FAM98A: variants seen among roughly 807,000 people sequenced by gnomAD.
FAM98A encodes the protein tRNA splicing ligase complex subunit 3A.
A neutral mutation model predicts 62.9 loss-of-function variants in FAM98A; 25 were observed. The observed-to-expected ratio is 0.40, with a 90% CI of 0.29 to 0.56. FAM98A has a LOEUF of 0.56. Among genes scored for constraint, FAM98A ranks in the 20% least tolerant of loss-of-function variants. FAM98A has a pLI of 0.51. For synonymous variants in FAM98A, 252 were observed against 228.6 expected, an observed-to-expected ratio of 1.10 and a Z score of -0.92; for missense variants, 653 against 640.7, an observed-to-expected ratio of 1.02 and a Z score of -0.21.
rs1236471833 is a variant in FAM98A, at chr2:33,584,010, T to G, written c.*766A>C. 6.5e-6 allele frequency: 1 copy of G among 152,678 alleles called. No individual in the cohort carries two copies. Among genetic ancestry groups the G allele is most frequent in the Non-Finnish European group, 1.5e-5 (1 of 68,046 alleles). The allele number at this position is 152,678 out of a possible 1,614,324, so 9.5% of individuals were successfully genotyped here. A position where few individuals can be genotyped will look rare whatever the true frequency, so the allele number is the denominator to read the frequency against. On this transcript the variant is annotated 3_prime_UTR_variant, in exon 8 of 8. Transcript: ENST00000238823. ...GGTTTGCTATTTCTTCTAGCAAATT[T>G]CAAGTAAAAATAAGGTTGAAGGAGG... is the stretch of plus-strand genomic sequence containing the variant.
In FAM98A at chr2:33,584,750, C is replaced by A. The variant is rs762127664; in HGVS notation, c.*26G>T. The A allele has an allele frequency of 2.6e-6, 4 of 1,548,280 alleles. No homozygotes were observed. Among genetic ancestry groups the A allele is most frequent in the Non-Finnish European group, 3.5e-6 (4 of 1,141,648 alleles). ...AAACTAAGTTTCTATTACTTGAGCT[C>A]TAGCAAAATGTAAGGTTCGGTAGCC... On this transcript the variant is annotated 3_prime_UTR_variant, in exon 8 of 8. Coordinates refer to ENST00000238823, the MANE Select transcript of FAM98A (RefSeq NM_015475.5).
intron 1 of FAM98A, among the ~76,000 whole-genome samples, chr2:33,595,929 A>G (rs1477949568): frequency 6.6e-6 from 1 of 152,206 alleles, no homozygotes; most frequent in Non-Finnish European, 1.5e-5. Flanking sequence ...AAAAGCTTCC[A>G]TTGTAAAAAG....
intron 2 of FAM98A, among the ~76,000 whole-genome samples, chr2:33,595,206 T>C (rs143215268): frequency 7.0e-4 from 106 of 152,298 alleles, no homozygotes; most frequent in Middle Eastern, 6.8e-3. Context: ...TTACAAAATA[T>C]AGGAAGTTCA....
At chr2:33,588,642 C>A in intron 3 of FAM98A, 123 bp from the exon 4 acceptor site, 3 of 629,350 alleles carry the variant, frequency 4.8e-6, no homozygotes, top group South Asian at 4.6e-5. Context: ...TGGATAAAAA[C>A]AAGAAAGAAA....
Position 33,592,129 on chromosome 2 carries a change from C to T in FAM98A, c.288G>A (p.Gly96=). 3 of 1,613,440 alleles carry T rather than the reference C, an allele frequency of 1.9e-6. No individual in the cohort carries two copies. Among genetic ancestry groups the T allele is most frequent in the East Asian group, 2.2e-5 (1 of 44,870 alleles). The change falls in exon 3 of 8, where the codon GGG becomes GGA. Residue 96 remains glycine, a synonymous_variant. Transcript: ENST00000238823. ...MNCPYLSLTS[G]DVTKRLLIQK... Reference sequence around the variant, plus strand: ...GAATGAGAAGGCGCTTGGTCACATCCCCAGATGTCAGTGAAAGATACGGGC... The same window carrying T: ...GAATGAGAAGGCGCTTGGTCACATCTCCAGATGTCAGTGAAAGATACGGGC...
rs747558363 is a variant in FAM98A at position 33,584,979 on chromosome 2, C to T, written c.1354G>A (p.Gly452Arg). The change falls in exon 8 of 8, where the codon GGG (glycine) becomes AGG (arginine). Residue 452 changes from glycine to arginine, a missense_variant. Coordinates refer to ENST00000238823, the MANE Select transcript of FAM98A (RefSeq NM_015475.5). ...CCACCACCACGATCACCATGGTGCC[C>T]GCCATCTTGGTATCTATTGTCCTGC... ...YQQDNRYQDG[G>R]HHGDRGGGRG... 17 of 1,614,034 alleles carry T rather than the reference C, an allele frequency of 1.1e-5. No individual in the cohort carries two copies. In the South Asian group the frequency reaches 1.3e-4, roughly 13 times the overall value.
In FAM98A at chr2:33,584,729, T is replaced by C. The variant is rs1445335601; in HGVS notation, c.*47A>G. ...GGTGCTGAATTCAGGATTCTGAAACTAAGTTTCTATTACTTGAGCTCTAGC... is the reference window on the plus strand; with the variant it reads ...GGTGCTGAATTCAGGATTCTGAAACCAAGTTTCTATTACTTGAGCTCTAGC... On this transcript the variant is annotated 3_prime_UTR_variant, in exon 8 of 8. Coordinates refer to ENST00000238823, the MANE Select transcript of FAM98A (RefSeq NM_015475.5). 3.4e-6 allele frequency: 5 copies of C among 1,492,070 alleles called. No homozygotes were observed. The African/African-American group carries it at 5.6e-5, about 17-fold the overall frequency. The allele number at this position is 1,492,070 out of a possible 1,614,324, so 92.4% of individuals were successfully genotyped here.
At chr2:33,598,546 T>C (rs955925979) in intron 1 of FAM98A, among the ~76,000 whole-genome samples, 7 of 152,188 alleles carry the variant, frequency 4.6e-5, no homozygotes. Flanking sequence ...CCTGGTCTAA[T>C]GGGGCTCAAC....
intron 1 of FAM98A, among the ~76,000 whole-genome samples, chr2:33,597,429 T>A (rs1023241378): frequency 6.6e-6 from 1 of 152,230 alleles, no homozygotes; most frequent in African/African-American, 2.4e-5. Context: ...CTTTTAATAT[T>A]TGAATGCCAC....
rs774715626 is a variant in FAM98A, at chr2:33,585,665, C to G, written c.753G>C (p.Gln251His). ...TAGGGGATAAGACTGAACGTTTCGG[C>G]TGGTAAACCTTGGCTAATTTTTCTG... ...SQTEKLAKVY[Q>H]PKRSVLSPKT... Residue 251 changes from glutamine to histidine, a missense_variant, in exon 7 of 8, where the codon CAG (glutamine) becomes CAC (histidine). Transcript: ENST00000238823. The G allele has an allele frequency of 3.1e-6, 5 of 1,613,670 alleles. No homozygotes were observed. Among genetic ancestry groups the G allele is most frequent in the Admixed American group, 3.3e-5 (2 of 59,938 alleles).
At chr2:33,593,005 A>G (rs918663278) in intron 2 of FAM98A, among the ~76,000 whole-genome samples, 3 of 152,184 alleles carry the variant, frequency 2.0e-5, no homozygotes, top group Admixed American at 2.0e-4. Flanking sequence ...ATCAAAGCCC[A>G]GTGGCCTTGC....
At chr2:33,592,008 C>A in intron 3 of FAM98A, 72 bp downstream of exon 3, 8 of 1,227,882 alleles carry the variant, frequency 6.5e-6, no homozygotes, top group South Asian at 3.3e-5. Context: ...AACAAAAAAC[C>A]ATGGTCAGTT....
At chr2:33,591,593 A>G (rs772638743) in intron 3 of FAM98A, among the ~76,000 whole-genome samples, 5 of 152,210 alleles carry the variant, frequency 3.3e-5, no homozygotes, top group Non-Finnish European at 5.9e-5. Context: ...AAAATCCCCA[A>G]TTACCCAACC....
At chr2:33,587,633 A>G (rs1677585440) in intron 4 of FAM98A, 1 of 289,612 alleles carries the variant, frequency 3.5e-6, no homozygotes, top group South Asian at 4.7e-5. Context: ...TCCCCTGTAG[A>G]GTTCAGCCAA....
At chr2:33,599,143 G>A in intron 1 of FAM98A, 26 bp downstream of exon 1, 1 of 1,607,324 alleles carries the variant, frequency 6.2e-7, no homozygotes, top group Non-Finnish European at 8.5e-7. Flanking sequence ...GTGGGGCTTG[G>A]GAGACCCGTG....
Position 33,592,119 on chromosome 2 carries a change from T to C in FAM98A, c.298A>G (p.Lys100Glu), listed in dbSNP as rs1677683937. ...YLSLTSGDVT[K>E]RLLIQKNCLL... ...CAGTTCTTCTGAATGAGAAGGCGCT[T>C]GGTCACATCCCCAGATGTCAGTGAA... The change falls in exon 3 of 8, where the codon AAG (lysine) becomes GAG (glutamate). Residue 100 changes from lysine to glutamate, a missense_variant. Transcript: ENST00000238823. 6.2e-7 allele frequency: 1 copy of C among 1,613,548 alleles called. No homozygotes were observed. Among genetic ancestry groups the C allele is most frequent in the Middle Eastern group, 1.7e-4 (1 of 6,060 alleles).
chr2:33,589,872 C>T (rs781121845), intron 3 of FAM98A: 11 of 152,056 alleles, frequency 7.2e-5, no homozygotes, highest in Non-Finnish European at 1.5e-4. Flanking sequence ...GGCCACAAAG[C>T]CAAAAATATT....
chr2:33,594,421 G>A (rs1677743585), intron 2 of FAM98A, among the ~76,000 whole-genome samples: 3 of 151,310 alleles, frequency 2.0e-5, no homozygotes, highest in East Asian at 2.0e-4. Context: ...CGGGTTAGAG[G>A]GTGAGGAGAG....
At chr2:33,598,903 C>A (rs1677883118) in intron 1 of FAM98A, among the ~76,000 whole-genome samples, 1 of 152,108 alleles carries the variant, frequency 6.6e-6, no homozygotes, top group South Asian at 2.1e-4. Context: ...AGAGCCCAGA[C>A]AATGACACGC....
Sources: allele counts gnomAD v4.1 joint callset (sites outside exome capture counted in the v4.1 genomes callset), GRCh38; gene constraint gnomAD v4.1.1; transcripts MANE v1.5; gene names NCBI Gene and HGNC (gene_info 2026-07-23, HGNC 2026-07-21).